Variants in C1QTNF7 observed in about 807,000 individuals in gnomAD.
C1QTNF7 encodes the protein complement C1q tumor necrosis factor-related protein 7.
Under a neutral mutation model 19.6 loss-of-function variants are expected in C1QTNF7, and 15 were observed. The observed-to-expected ratio is 0.76, with a 90% CI of 0.51 to 1.18. The LOEUF (loss-of-function observed/expected upper bound fraction) is 1.18. Among genes scored for constraint, C1QTNF7 ranks in the 50% most tolerant of loss-of-function variants. The pLI, the probability that C1QTNF7 is intolerant of heterozygous loss-of-function variation, is 0.00. For missense variants in C1QTNF7, 324 were observed against 359.7 expected (o/e 0.90, Z 0.80); for synonymous variants, 142 against 137.5 (o/e 1.03, Z -0.23).
In C1QTNF7 at chr4:15,439,542, G is replaced by T. The variant is rs533393897; in HGVS notation, c.239-2626G>T. ...GTTTGCTGCTTTGCCCAGTAAGTTT[G>T]GATTGGACTTAGATCCAATCTCCCC... is the stretch of plus-strand genomic sequence containing the variant. On this transcript the variant is annotated intron_variant, in intron 2 of 2. Transcript: ENST00000444304. 4.6e-5 allele frequency among the ~76,000 whole-genome samples: 7 copies of T among 152,186 alleles called. No homozygotes were observed. The South Asian group carries it at 1.5e-3, about 32-fold the overall frequency.
At chr4:15,349,529 T>TGAG (rs888642719) in intron 1 of C1QTNF7, among the ~76,000 whole-genome samples, 1 of 151,982 alleles carries the variant, frequency 6.6e-6, no homozygotes, top group African/African-American at 2.4e-5. Context: ...AGCCATGACA[T>TGAG]GAGGAGGAGG....
chr4:15,424,746 T>G (rs1711959759), upstream of C1QTNF7, among the ~76,000 whole-genome samples: 1 of 152,198 alleles, frequency 6.6e-6, no homozygotes, highest in Admixed American at 6.5e-5. Flanking sequence ...AATTTCTAGC[T>G]TTCTTTTATG....
intron 1 of C1QTNF7, among the ~76,000 whole-genome samples, chr4:15,412,251 TATA>T (rs1719429520): frequency 6.6e-6 from 1 of 152,138 alleles, no homozygotes; most frequent in Non-Finnish European, 1.5e-5. Context: ...TACATTACAG[TATA>T]ATAATAATAG....
At position 15,399,492 on chromosome 4, in the gene C1QTNF7, G is replaced by A. The variant is rs143503584; in HGVS notation, c.14-36244G>A. On this transcript the variant is annotated intron_variant, in intron 1 of 2. Coordinates refer to the C1QTNF7 transcript ENST00000295297. ...GATCTGTGACTTGGCCAGGTTCTTC[G>A]TATCTCTAAGCCTTGATTTCCTCCA... Among the ~76,000 whole-genome samples the A allele has an allele frequency of 1.8e-3, 272 of 152,262 alleles. 2 individuals carry two copies. Among genetic ancestry groups the A allele is most frequent in the African/African-American group, 5.7e-3 (236 of 41,546 alleles).
intron 1 of C1QTNF7, among the ~76,000 whole-genome samples, chr4:15,434,642 T>C (rs866992108): frequency 2.0e-5 from 3 of 152,268 alleles, no homozygotes; most frequent in Middle Eastern, 3.4e-3. Flanking sequence ...GCCTAAAAAA[T>C]CAGGTATCTC....
intron 1 of C1QTNF7, among the ~76,000 whole-genome samples, chr4:15,414,866 A>T (rs2108919967): frequency 6.6e-6 from 1 of 152,294 alleles, no homozygotes; most frequent in East Asian, 1.9e-4. Flanking sequence ...CCAGTTGATG[A>T]TTAAAAAACA....
At chr4:15,415,171 A>G (rs1039557831) in intron 1 of C1QTNF7, among the ~76,000 whole-genome samples, 1 of 152,224 alleles carries the variant, frequency 6.6e-6, no homozygotes, top group Non-Finnish European at 1.5e-5. Context: ...AAACTCCTCA[A>G]TGAGAAAGCA....
At chr4:15,395,584 T>C (rs1346276730) in intron 1 of C1QTNF7, among the ~76,000 whole-genome samples, 1 of 152,076 alleles carries the variant, frequency 6.6e-6, no homozygotes, top group Non-Finnish European at 1.5e-5. Flanking sequence ...ATACTCAGAC[T>C]CGTAACTCAG....
At chr4:15,359,998 CAG>C (rs1215978306) in intron 1 of C1QTNF7, among the ~76,000 whole-genome samples, 1 of 152,188 alleles carries the variant, frequency 6.6e-6, no homozygotes, top group Non-Finnish European at 1.5e-5. Flanking sequence ...GCTGTCTAGG[CAG>C]AGTTAGACCT....
chr4:15,436,089 G>A, intron 2 of C1QTNF7, 108 bp downstream of exon 2: 1 of 1,442,444 alleles, frequency 6.9e-7, no homozygotes, highest in Non-Finnish European at 9.3e-7. Context: ...AACCCCTTCT[G>A]TACTTTCATT....
At chr4:15,377,523 A>G (rs1717983747) in intron 1 of C1QTNF7, among the ~76,000 whole-genome samples, 1 of 152,218 alleles carries the variant, frequency 6.6e-6, no homozygotes, top group Non-Finnish European at 1.5e-5. Flanking sequence ...TTTTATACAG[A>G]GAAGCACCAG....
intron 1 of C1QTNF7, among the ~76,000 whole-genome samples, chr4:15,409,856 T>G (rs1285954455): frequency 6.6e-6 from 1 of 152,210 alleles, no homozygotes; most frequent in Non-Finnish European, 1.5e-5. Flanking sequence ...CACACACAGT[T>G]TGGCACATAG....
Position 15,445,421 on chromosome 4 carries a change from G to C in C1QTNF7, c.*2622G>C, listed in dbSNP as rs1022420266. ...AAATTTTCTTCTGATCGTAATCCAC[G>C]AATGCATTCATTTTTTGGACATTGC... On this transcript the variant is annotated 3_prime_UTR_variant, in exon 3 of 3. Coordinates refer to ENST00000444304, the MANE Select transcript of C1QTNF7 (RefSeq NM_031911.5). The C allele has an allele frequency of 6.6e-6, 1 of 152,158 alleles. No homozygotes were observed. Among genetic ancestry groups the C allele is most frequent in the Non-Finnish European group, 1.5e-5 (1 of 68,026 alleles). The allele number at this position is 152,158 out of a possible 1,614,324, so 9.4% of individuals were successfully genotyped here.
chr4:15,374,796 A>AAG (rs34210455), intron 1 of C1QTNF7: 369,336 of 979,320 alleles, frequency 0.38, 73,233 homozygotes, highest in African/African-American at 0.69. Flanking sequence ...CTCTCCATTG[A>AAG]TAAACGTCTT....
chr4:15,358,050 T>C (rs190090554), intron 1 of C1QTNF7: 178 of 152,334 alleles, frequency 1.2e-3, no homozygotes, highest in African/African-American at 4.1e-3. Context: ...TTTGACTTCC[T>C]CTCTTCCTAT....
rs150817239 is a variant in C1QTNF7 at position 15,366,571 on chromosome 4, T to C, written c.13+26364T>C. 7.2e-5 allele frequency among the ~76,000 whole-genome samples: 11 copies of C among 152,292 alleles called. No individual in the cohort carries two copies. In the East Asian group the frequency reaches 2.1e-3, roughly 29 times the overall value. On this transcript the variant is annotated intron_variant, in intron 1 of 2. Transcript: ENST00000295297. ...TCACTGTGTCTTTCTCTCTTTTTCT[T>C]TTTCCTCACTTTTTTCCCTTCCTCT...
At chr4:15,406,275 A>G (rs1325107287) in intron 1 of C1QTNF7, among the ~76,000 whole-genome samples, 9 of 152,192 alleles carry the variant, frequency 5.9e-5, no homozygotes, top group Non-Finnish European at 1.3e-4. Context: ...TCTCTGTTGA[A>G]TGAGTGAGAG....
intron 1 of C1QTNF7, among the ~76,000 whole-genome samples, chr4:15,350,984 A>C (rs1716916629): frequency 6.6e-6 from 1 of 152,206 alleles, no homozygotes; most frequent in South Asian, 2.1e-4. Context: ...TTGGATTAAA[A>C]TCCAAGCCGT....
rs188427809 is a variant in C1QTNF7 at position 15,358,862 on chromosome 4, G to A, written c.13+18655G>A. On this transcript the variant is annotated intron_variant, in intron 1 of 2. Transcript: ENST00000295297. ...AGGTGAGCCACAGCATCTAGACTAG[G>A]TCTGACCCTAGATCTAGGAGTGGAC... Among the ~76,000 whole-genome samples the A allele has an allele frequency of 5.6e-3, 851 of 152,262 alleles. 4 individuals carry two copies. Among genetic ancestry groups the A allele is most frequent in the Middle Eastern group, 0.014 (4 of 294 alleles).
Sources: gnomAD v4.1 joint callset for allele counts (sites outside exome capture counted in the v4.1 genomes callset) on GRCh38, gnomAD v4.1.1 for gene constraint, MANE v1.5 for transcripts, NCBI Gene and HGNC (gene_info 2026-07-23, HGNC 2026-07-21) for gene names.